The following SLC9A9 variants were observed in gnomAD, a reference collection of about 807,000 sequenced individuals.
SLC9A9 encodes the protein sodium/hydrogen exchanger 9.
SLC9A9 carries 62 observed loss-of-function variants against 77.8 expected under a neutral mutation model. The ratio of observed to expected loss-of-function variants is 0.80; its 90% CI spans 0.65 to 0.98. The LOEUF (loss-of-function observed/expected upper bound fraction) is 0.98. Ranked by LOEUF, SLC9A9 falls within the 50% of genes least tolerant of loss-of-function variation. The pLI is 0.00. For synonymous variants in SLC9A9, 320 were observed against 283.5 expected (o/e 1.13, Z -1.29); for missense variants, 775 against 774.9 (o/e 1.00, Z 0.00).
At chr3:143,397,596 C>T (rs1475176107) in intron 12 of SLC9A9, among the ~76,000 whole-genome samples, 1 of 152,130 alleles carries the variant, frequency 6.6e-6, no homozygotes, top group East Asian at 1.9e-4. Context: ...AAGTGCATCT[C>T]CTTCCCTCAC....
intron 4 of SLC9A9, among the ~76,000 whole-genome samples, chr3:143,779,976 C>T (rs999932764): frequency 1.3e-5 from 2 of 152,176 alleles, no homozygotes; most frequent in African/African-American, 2.4e-5. Context: ...CCTACACTCT[C>T]GATTTCTCTG....
intron 2 of SLC9A9, among the ~76,000 whole-genome samples, chr3:143,830,976 C>A (rs934694287): frequency 2.0e-5 from 3 of 152,012 alleles, no homozygotes; most frequent in African/African-American, 7.3e-5. Context: ...TGAGCCCTTA[C>A]CAAGTGCTAG....
chr3:143,676,187 G>A (rs1268082814), intron 5 of SLC9A9, among the ~76,000 whole-genome samples: 1 of 152,102 alleles, frequency 6.6e-6, no homozygotes, highest in Non-Finnish European at 1.5e-5. Flanking sequence ...GGTTATGCTG[G>A]CTGGCCTGCC....
intron 4 of SLC9A9, among the ~76,000 whole-genome samples, chr3:143,714,445 A>G (rs1011891702): frequency 2.6e-5 from 4 of 152,152 alleles, no homozygotes; most frequent in African/African-American, 9.7e-5. Flanking sequence ...ATTGGTTTCA[A>G]ATTCAGGCAT....
At chr3:143,514,105 T>C (rs1165293545) in intron 9 of SLC9A9, among the ~76,000 whole-genome samples, 1 of 152,212 alleles carries the variant, frequency 6.6e-6, no homozygotes, top group Admixed American at 6.5e-5. Context: ...GTTTGGTTTT[T>C]TGTCCTTACA....
Position 143,467,112 on chromosome 3 carries a change from G to GT in SLC9A9, c.1393dup (p.Thr465AsnfsTer33). On this transcript the variant is annotated frameshift_variant, in exon 12 of 16. Transcript: ENST00000316549. LOFTEE classifies it high-confidence loss of function. ...GACAGTGAAGAACACGAGGAGCAGC[G>GT]TAGTGGTAAACATCATTTGTTTGGG... The GT allele has an allele frequency of 6.2e-7, 1 of 1,614,144 alleles. No homozygotes were observed. The highest frequency in any genetic ancestry group is 8.5e-7 in the Non-Finnish European group (1 of 1,180,002).
chr3:143,480,313 T>A (rs1289076698), intron 11 of SLC9A9, among the ~76,000 whole-genome samples: 1 of 152,204 alleles, frequency 6.6e-6, no homozygotes, highest in African/African-American at 2.4e-5. Context: ...AACAAGTGTA[T>A]GGGGCAGGCC....
chr3:143,382,072 G>A lies in SLC9A9; in HGVS notation c.1512C>T (p.Ser504=), dbSNP rs191277878. ...DLDENLKEDP[S]SQHQEANNLD... ...TTCTTTGACTTGCCTGGTGTTGTGAGGAGGGGTCCTCCTTCAGATTTTCAT... is the reference window on the plus strand; with the variant it reads ...TTCTTTGACTTGCCTGGTGTTGTGAAGAGGGGTCCTCCTTCAGATTTTCAT... The change falls in exon 13 of 16, where the codon TCC becomes TCT. Residue 504 remains serine, a synonymous_variant. Transcript: ENST00000316549. 9 of 1,614,092 alleles carry A rather than the reference G, an allele frequency of 5.6e-6. No individual in the cohort carries two copies. Among genetic ancestry groups the A allele is most frequent in the Non-Finnish European group, 2.5e-6 (3 of 1,179,992 alleles).
chr3:143,800,563 A>G (rs1194003416), intron 2 of SLC9A9, among the ~76,000 whole-genome samples: 3 of 152,100 alleles, frequency 2.0e-5, no homozygotes, highest in Non-Finnish European at 4.4e-5. Context: ...ATTCCCCTGC[A>G]CCACTTATCC....
At chr3:143,380,981 A>G (rs2033288838) in intron 13 of SLC9A9, among the ~76,000 whole-genome samples, 1 of 152,252 alleles carries the variant, frequency 6.6e-6, no homozygotes, top group Non-Finnish European at 1.5e-5. Context: ...TATTTATGAT[A>G]TTCTCCTATT....
chr3:143,640,240 CT>C (rs1237289423), intron 6 of SLC9A9, among the ~76,000 whole-genome samples: 1 of 152,050 alleles, frequency 6.6e-6, no homozygotes, highest in Non-Finnish European at 1.5e-5. Flanking sequence ...CCAGGACAGT[CT>C]CAATTTCCTG....
intron 12 of SLC9A9, among the ~76,000 whole-genome samples, chr3:143,435,341 G>T (rs1365732972): frequency 6.6e-6 from 1 of 152,158 alleles, no homozygotes; most frequent in African/African-American, 2.4e-5. Context: ...GGTCGATAGT[G>T]AGAGCCCTTG....
In SLC9A9 at chr3:143,493,728, G is replaced by T. The variant is rs1332586450; in HGVS notation, c.1240C>A (p.Pro414Thr). ...IFVARACNIYPLSFLLNLGRK... is the reference protein window; with the variant it reads ...IFVARACNIYTLSFLLNLGRK... ...CCTAGATTCAGGAGGAAGGAGAGGG[G>T]ATATATGTTGCAGGCTCTGGCAACA... Residue 414 changes from proline (P) to threonine (T), a missense_variant, in exon 11 of 16, where the codon CCC becomes ACC. By Grantham distance (38) the Pro-to-Thr change is conservative. Transcript: ENST00000316549. The T allele has an allele frequency of 1.2e-6, 2 of 1,614,092 alleles. No homozygotes were observed. The highest frequency in any genetic ancestry group is 2.2e-5 in the East Asian group (1 of 44,866).
At chr3:143,746,204 G>T (rs540989353) in intron 4 of SLC9A9, among the ~76,000 whole-genome samples, 2 of 152,230 alleles carry the variant, frequency 1.3e-5, no homozygotes, top group Non-Finnish European at 2.9e-5. Context: ...TCAGCTGGGG[G>T]ACAAGTGTGG....
intron 6 of SLC9A9, among the ~76,000 whole-genome samples, chr3:143,625,381 T>C (rs2038303116): frequency 6.6e-6 from 1 of 152,166 alleles, no homozygotes; most frequent in Non-Finnish European, 1.5e-5. Context: ...AAGGCTACAG[T>C]AACCAAAACA....
intron 6 of SLC9A9, among the ~76,000 whole-genome samples, chr3:143,638,334 A>G (rs971094798): frequency 1.3e-5 from 2 of 152,248 alleles, no homozygotes; most frequent in African/African-American, 4.8e-5. Context: ...ATCCAATTTG[A>G]ATTAATTGCC....
chr3:143,801,483 C>G (rs1422345764), intron 2 of SLC9A9, among the ~76,000 whole-genome samples: 1 of 152,170 alleles, frequency 6.6e-6, no homozygotes, highest in African/African-American at 2.4e-5. Flanking sequence ...TTGAGACTCC[C>G]ACCATTACCA....
chr3:143,558,343 G>A (rs1041291068), intron 8 of SLC9A9, among the ~76,000 whole-genome samples: 1 of 152,162 alleles, frequency 6.6e-6, no homozygotes, highest in Non-Finnish European at 1.5e-5. Context: ...GCTGTAGGAA[G>A]AGGACCACTG....
intron 1 of SLC9A9, 28 bp downstream of exon 1, chr3:143,848,120 A>T (rs1185012228): frequency 6.3e-7 from 1 of 1,598,870 alleles, no homozygotes; most frequent in Non-Finnish European, 8.6e-7. Flanking sequence ...AACAAGTTTC[A>T]CATCAATCTC....
Sources: allele counts gnomAD v4.1 joint callset (sites outside exome capture counted in the v4.1 genomes callset), GRCh38; gene constraint gnomAD v4.1.1; transcripts MANE v1.5; gene names NCBI Gene and HGNC (gene_info 2026-07-23, HGNC 2026-07-21).